The following BIN1 variants were observed in gnomAD, a reference collection of about 807,000 sequenced individuals.
BIN1 encodes the protein myc box-dependent-interacting protein 1.
A neutral mutation model predicts 82.0 loss-of-function variants in BIN1; 53 were observed. That is an observed-to-expected ratio of 0.65 (90% CI 0.52 to 0.81). The LOEUF is 0.81. BIN1 is among the 40% of genes least tolerant of loss of function. BIN1 has a pLI of 0.00. For synonymous variants in BIN1, 302 were observed against 328.0 expected (o/e 0.92, Z 0.86); for missense variants, 642 against 784.4 (o/e 0.82, Z 2.17).
At position 127,090,362 on chromosome 2, in the gene BIN1, G is replaced by A. The variant is rs940884918; in HGVS notation, c.85-13656C>T. On this transcript the variant is annotated intron_variant, in intron 1 of 18. Coordinates refer to ENST00000316724, the MANE Select transcript of BIN1 (RefSeq NM_139343.3). This position sits in a 1 kb window ranked among gnomAD's most constrained non-coding sequence, Gnocchi z 6.4. ...ATCCCAGTGCCACCCCCGCAGGCAG[G>A]CAGCAAGGGCATGGCCGCGGGGCAT... Among the ~76,000 whole-genome samples, 40 of 152,350 alleles carry A rather than the reference G, an allele frequency of 2.6e-4. No homozygotes were observed. The highest frequency in any genetic ancestry group is 8.2e-4 in the African/African-American group (34 of 41,592).
chr2:127,083,091 TCTTTTTTTTTG>T (rs946496229), intron 1 of BIN1, among the ~76,000 whole-genome samples: 1 of 150,640 alleles, frequency 6.6e-6, no homozygotes, highest in Non-Finnish European at 1.5e-5. Flanking sequence ...TTTTTTTTTT[TCTTTTTTTTTG>T]CTTTTCTCTT....
chr2:127,068,021 G>C lies in BIN1; in HGVS notation c.612+142C>G. 1 of 855,706 alleles carries C rather than the reference G, an allele frequency of 1.2e-6. No individual in the cohort carries two copies. Among genetic ancestry groups the C allele is most frequent in the Non-Finnish European group, 1.9e-6 (1 of 527,084 alleles). The allele number at this position is 855,706 out of a possible 1,614,324, so 53.0% of individuals were successfully genotyped here. On this transcript the variant is annotated intron_variant, in intron 7 of 18. Transcript: ENST00000316724. The surrounding 1 kb of genome is among the most constrained non-coding windows in gnomAD (Gnocchi z 4.9). ...CATTTGACTTCAGGTCTCCTCTGAAGCAGAGCTCTCCCAGCAGAGGCCTTT... is the reference window on the plus strand; with the variant it reads ...CATTTGACTTCAGGTCTCCTCTGAACCAGAGCTCTCCCAGCAGAGGCCTTT...
At chr2:127,100,916 C>T (rs903748156) in intron 1 of BIN1, among the ~76,000 whole-genome samples, 4 of 150,344 alleles carry the variant, frequency 2.7e-5, no homozygotes, top group African/African-American at 7.4e-5. Flanking sequence ...ACAGCCCCAG[C>T]GGCAGAGATC....
At chr2:127,056,958 C>A (rs532601954) in intron 12 of BIN1, among the ~76,000 whole-genome samples, 4 of 152,254 alleles carry the variant, frequency 2.6e-5, no homozygotes, top group Non-Finnish European at 5.9e-5. Flanking sequence ...CCCAAGCCCC[C>A]CTGGGTGGCT....
Position 127,068,823 on chromosome 2 carries a change from C to T in BIN1, c.519+101G>A, listed in dbSNP as rs1443214112. 48 of 1,198,984 alleles carry T rather than the reference C, an allele frequency of 4.0e-5. No homozygotes were observed. The South Asian group carries it at 5.6e-4, about 14-fold the overall frequency. 74.3% of individuals were successfully genotyped at this position (1,198,984 alleles called of 1,614,324 possible). ...ATCGTCCCCACCCCCAGTTCAGCCA[C>T]CTGGGGCCAGGCAGGAGGAAGCCTC... On this transcript the variant is annotated intron_variant, in intron 6 of 18. Transcript: ENST00000316724. This position sits in a 1 kb window ranked among gnomAD's most constrained non-coding sequence, Gnocchi z 4.9.
At chr2:127,079,195 A>G (rs778555278) in intron 1 of BIN1, among the ~76,000 whole-genome samples, 2 of 152,204 alleles carry the variant, frequency 1.3e-5, no homozygotes, top group African/African-American at 2.4e-5. Context: ...GAGATCTTCC[A>G]GCCTTGAGAA....
chr2:127,075,613 A>C (rs1200561641), intron 2 of BIN1, among the ~76,000 whole-genome samples: 1 of 152,162 alleles, frequency 6.6e-6, no homozygotes, highest in Non-Finnish European at 1.5e-5. Flanking sequence ...CCCTCTGGCA[A>C]GCCAAGGCCA....
intron 14 of BIN1, 56 bp from the exon 15 acceptor site, chr2:127,052,418 A>G: frequency 1.4e-6 from 2 of 1,460,246 alleles, no homozygotes; most frequent in Non-Finnish European, 1.9e-6. Context: ...CGGGGTGGAA[A>G]GGCAATGGGC....
At position 127,082,688 on chromosome 2, in the gene BIN1, C is replaced by G. The variant is rs543694579; in HGVS notation, c.85-5982G>C. 2.6e-5 allele frequency among the ~76,000 whole-genome samples: 4 copies of G among 152,306 alleles called. 1 individual carries two copies. The highest frequency in any genetic ancestry group is 9.6e-5 in the African/African-American group (4 of 41,552). Reference sequence around the variant, plus strand: ...CACCTAGTTCCCCAGCACACAACCCCTCCTCCAAGCCCATCTCTCAAATGC... The same window carrying G: ...CACCTAGTTCCCCAGCACACAACCCGTCCTCCAAGCCCATCTCTCAAATGC... On this transcript the variant is annotated intron_variant, in intron 1 of 18. Coordinates refer to ENST00000316724, the MANE Select transcript of BIN1 (RefSeq NM_139343.3). This position sits in a 1 kb window ranked among gnomAD's most constrained non-coding sequence, Gnocchi z 6.1.
intron 16 of BIN1, 89 bp downstream of exon 16, chr2:127,051,065 A>G: frequency 6.4e-7 from 1 of 1,562,846 alleles, no homozygotes; most frequent in Non-Finnish European, 8.8e-7. Context: ...CCAGGCCTGG[A>G]CCAGCACCAG....
chr2:127,099,821 T>G (rs1680080291), intron 1 of BIN1, among the ~76,000 whole-genome samples: 1 of 150,864 alleles, frequency 6.6e-6, no homozygotes, highest in Admixed American at 6.6e-5. Flanking sequence ...CTTTTTTTTT[T>G]GAGACGGAGT....
At chr2:127,049,271 G>GC (rs1682572813) in intron 18 of BIN1, among the ~76,000 whole-genome samples, 1 of 152,152 alleles carries the variant, frequency 6.6e-6, no homozygotes, top group South Asian at 2.1e-4. Flanking sequence ...CCCTCCAGCA[G>GC]CCCCAGGCCA....
chr2:127,091,117 G>A (rs1190467093), intron 1 of BIN1, among the ~76,000 whole-genome samples: 1 of 152,134 alleles, frequency 6.6e-6, no homozygotes, highest in Non-Finnish European at 1.5e-5. Flanking sequence ...CACATCATTG[G>A]TATTACTTCA....
rs1170393289 is a variant in BIN1 at position 127,067,870 on chromosome 2, G to A, written c.612+293C>T. On this transcript the variant is annotated intron_variant, in intron 7 of 18. Coordinates refer to ENST00000316724, the MANE Select transcript of BIN1 (RefSeq NM_139343.3). This position sits in a 1 kb window ranked among gnomAD's most constrained non-coding sequence, Gnocchi z 4.7. ...CCTCACAGAGGACAATGGCTCAAAGGCATTCCTGGACCACTAGGATTTCAG... is the reference window on the plus strand; with the variant it reads ...CCTCACAGAGGACAATGGCTCAAAGACATTCCTGGACCACTAGGATTTCAG... 6.6e-6 allele frequency among the ~76,000 whole-genome samples: 1 copy of A among 152,186 alleles called. No individual in the cohort carries two copies. The highest frequency in any genetic ancestry group is 1.9e-4 in the East Asian group (1 of 5,192).
chr2:127,081,107 C>T (rs1430999823), intron 1 of BIN1, among the ~76,000 whole-genome samples: 3 of 152,206 alleles, frequency 2.0e-5, no homozygotes, highest in African/African-American at 4.8e-5. Context: ...CAACAGCCCC[C>T]GCATGGCAGG....
At position 127,067,024 on chromosome 2, in the gene BIN1, T is replaced by C. The variant is rs540425463; in HGVS notation, c.612+1139A>G. Among the ~76,000 whole-genome samples the C allele has an allele frequency of 6.8e-6, 1 of 146,192 alleles. No homozygotes were observed. Among genetic ancestry groups the C allele is most frequent in the Non-Finnish European group, 1.5e-5 (1 of 67,156 alleles). On this transcript the variant is annotated intron_variant, in intron 7 of 18. Transcript: ENST00000316724. The surrounding 1 kb of genome is among the most constrained non-coding windows in gnomAD (Gnocchi z 4.7). Reference sequence around the variant, plus strand: ...AAGTCAAGGCTGCAGTGAGTCATGATCACACCACTGCACTCCAGCCAGGGG... The same window carrying C: ...AAGTCAAGGCTGCAGTGAGTCATGACCACACCACTGCACTCCAGCCAGGGG...
chr2:127,073,393 T>G (rs1686170941), intron 2 of BIN1, among the ~76,000 whole-genome samples: 1 of 152,190 alleles, frequency 6.6e-6, no homozygotes, highest in African/African-American at 2.4e-5. Flanking sequence ...AGAGCCCAGC[T>G]GGGGGAAGAT....
At position 127,082,687 on chromosome 2, in the gene BIN1, C is replaced by T. The variant is rs1687450829; in HGVS notation, c.85-5981G>A. On this transcript the variant is annotated intron_variant, in intron 1 of 18. Transcript: ENST00000316724. This position sits in a 1 kb window ranked among gnomAD's most constrained non-coding sequence, Gnocchi z 6.1. ...TCACCTAGTTCCCCAGCACACAACC[C>T]CTCCTCCAAGCCCATCTCTCAAATG... Among the ~76,000 whole-genome samples the T allele has an allele frequency of 6.6e-6, 1 of 152,182 alleles. No homozygotes were observed. Among genetic ancestry groups the T allele is most frequent in the Non-Finnish European group, 1.5e-5 (1 of 68,034 alleles).
intron 1 of BIN1, among the ~76,000 whole-genome samples, chr2:127,102,227 G>GA (rs1680444520): frequency 6.6e-6 from 1 of 152,292 alleles, no homozygotes; most frequent in Non-Finnish European, 1.5e-5. Flanking sequence ...AGGACTCAGG[G>GA]ATTCTAGAAC....
Sources: gnomAD v4.1 joint callset for allele counts (sites outside exome capture counted in the v4.1 genomes callset) on GRCh38, gnomAD v4.1.1 for gene constraint, Gnocchi (gnomAD v3.1) non-coding constraint, MANE v1.5 for transcripts, NCBI Gene and HGNC (gene_info 2026-07-23, HGNC 2026-07-21) for gene names.